Variants in RUBCNL observed in about 807,000 individuals in gnomAD.
RUBCNL encodes the protein protein associated with UVRAG as autophagy enhancer.
RUBCNL carries 62 observed loss-of-function variants against 69.5 expected under a neutral mutation model. The ratio of observed to expected loss-of-function variants is 0.89; its 90% CI spans 0.73 to 1.10. The LOEUF (loss-of-function observed/expected upper bound fraction) is 1.10, where lower values mean the gene tolerates loss of function less well. Ranked by LOEUF, RUBCNL falls within the 50% of genes least tolerant of loss-of-function variation. The pLI is 0.00. For synonymous variants in RUBCNL, 291 were observed against 303.6 expected (o/e 0.96, Z 0.43); for missense variants, 768 against 798.1 (o/e 0.96, Z 0.45).
intron 2 of RUBCNL, among the ~76,000 whole-genome samples, chr13:46,375,405 C>CAT (rs1162343425): frequency 2.6e-5 from 4 of 152,026 alleles, no homozygotes; most frequent in Non-Finnish European, 5.9e-5. Context: ...TGGTGGCGGG[C>CAT]GCCTATAATC....
chr13:46,367,148 C>T (rs770768934), intron 5 of RUBCNL, among the ~76,000 whole-genome samples: 2 of 152,184 alleles, frequency 1.3e-5, no homozygotes, highest in Non-Finnish European at 2.9e-5. Flanking sequence ...CGGGGAAGAG[C>T]CCCCAGGTCC....
At position 46,339,613 on chromosome 13, in the gene RUBCNL, C is replaced by T. The variant is rs926532341; in HGVS notation, c.*3772G>A. ...GTGGCTCAGGCCTGTAATCCCAGCA[C>T]TTTTGGAAGCCGAAGCAGGCAGATC... On this transcript the variant is annotated 3_prime_UTR_variant, in exon 15 of 15. Transcript: ENST00000429979. Among the ~76,000 whole-genome samples the T allele has an allele frequency of 2.6e-5, 4 of 152,166 alleles. No individual in the cohort carries two copies. Among genetic ancestry groups the T allele is most frequent in the Admixed American group, 2.0e-4 (3 of 15,284 alleles).
intron 4 of RUBCNL, 169 bp downstream of exon 4, chr13:46,368,564 C>G: frequency 1.1e-6 from 1 of 905,964 alleles, no homozygotes; most frequent in Non-Finnish European, 1.3e-6. Context: ...ACAGGCACGG[C>G]CTCGGAACCC....
intron 8 of RUBCNL, among the ~76,000 whole-genome samples, chr13:46,360,192 C>A (rs191278680): frequency 6.6e-6 from 1 of 152,134 alleles, no homozygotes; most frequent in Admixed American, 6.6e-5. Context: ...AGTTTGAGAC[C>A]AGCCTGGCCA....
rs1404130935 is a variant in RUBCNL, at chr13:46,337,203, C to T, written c.*6182G>A. 2.6e-5 allele frequency among the ~76,000 whole-genome samples: 4 copies of T among 151,974 alleles called. No homozygotes were observed. Among genetic ancestry groups the T allele is most frequent in the African/African-American group, 9.7e-5 (4 of 41,360 alleles). On this transcript the variant is annotated 3_prime_UTR_variant, in exon 15 of 15. Coordinates refer to ENST00000429979, the MANE Select transcript of RUBCNL (RefSeq NM_025113.5). ...CTGTTGTCAGGCTGGAGTACAGTGG[C>T]GTGATCTCAGCTCACCGCAACCTTC...
chr13:46,352,392 C>T (rs1042155174), intron 10 of RUBCNL, among the ~76,000 whole-genome samples: 14 of 152,284 alleles, frequency 9.2e-5, no homozygotes, highest in African/African-American at 3.4e-4. Context: ...TACAGCATAA[C>T]AGAAATCTTA....
chr13:46,344,879 G>T, intron 13 of RUBCNL, 48 bp from the exon 14 acceptor site: 1 of 1,255,398 alleles, frequency 8.0e-7, no homozygotes, highest in Non-Finnish European at 1.2e-6. Context: ...TGATGGATAA[G>T]CTGAGTTTTC....
At chr13:46,380,026 T>C (rs2049084405) in intron 1 of RUBCNL, among the ~76,000 whole-genome samples, 1 of 152,232 alleles carries the variant, frequency 6.6e-6, no homozygotes, top group South Asian at 2.1e-4. Flanking sequence ...CTCTATACTA[T>C]GTTGTAATAA....
Position 46,349,314 on chromosome 13 carries a change from G to C in RUBCNL, c.1603C>G (p.Leu535Val), listed in dbSNP as rs918023875. 1.9e-6 allele frequency: 3 copies of C among 1,613,768 alleles called. No homozygotes were observed. Among genetic ancestry groups the C allele is most frequent in the African/African-American group, 1.3e-5 (1 of 75,040 alleles). ...IQEQLFHIKK[L>V]LKTCRFANSA... ...TTAGCAAACCTACAGGTCTTCAACAGCTTCTTGATATGGAAGAGCTGCTCC... is the reference window on the plus strand; with the variant it reads ...TTAGCAAACCTACAGGTCTTCAACACCTTCTTGATATGGAAGAGCTGCTCC... Residue 535 changes from leucine to valine, a missense_variant, in exon 12 of 15, where the codon CTG (leucine) becomes GTG (valine). Coordinates refer to ENST00000429979, the MANE Select transcript of RUBCNL (RefSeq NM_025113.5).
intron 1 of RUBCNL, chr13:46,378,633 G>C (rs952097056): frequency 1.3e-5 from 2 of 152,192 alleles, no homozygotes; most frequent in African/African-American, 4.8e-5. Flanking sequence ...AGCCACCAGA[G>C]ACACAGTATT....
chr13:46,352,623 G>T (rs1468349803), intron 10 of RUBCNL, among the ~76,000 whole-genome samples: 1 of 152,218 alleles, frequency 6.6e-6, no homozygotes, highest in African/African-American at 2.4e-5. Flanking sequence ...TGACCAACAC[G>T]GAGAAACCCC....
At chr13:46,349,425 T>C in intron 11 of RUBCNL, 78 bp from the exon 12 acceptor site, 2 of 1,372,310 alleles carry the variant, frequency 1.5e-6, no homozygotes, top group Non-Finnish European at 2.1e-6. Context: ...AATTTAAATG[T>C]TATTTCTAAG....
chr13:46,369,123 G>A (rs367812293), intron 3 of RUBCNL, among the ~76,000 whole-genome samples: 2 of 152,292 alleles, frequency 1.3e-5, no homozygotes, highest in East Asian at 1.9e-4. Context: ...CCCAACAGGG[G>A]CTGGGGTAAA....
chr13:46,369,179 C>T (rs933235544), intron 3 of RUBCNL, among the ~76,000 whole-genome samples: 2 of 152,158 alleles, frequency 1.3e-5, no homozygotes, highest in Admixed American at 6.5e-5. Context: ...ATTATGAGAT[C>T]GCTTCTCTAG....
At chr13:46,359,010 G>A (rs977905565) in intron 9 of RUBCNL, among the ~76,000 whole-genome samples, 1 of 151,938 alleles carries the variant, frequency 6.6e-6, no homozygotes, top group African/African-American at 2.4e-5. Flanking sequence ...TGAGCGAGGT[G>A]GCTCACACCT....
In RUBCNL at chr13:46,353,794, G is replaced by A. The variant is rs259696; in HGVS notation, c.1330+2638C>T. Among the ~76,000 whole-genome samples the A allele has an allele frequency of 8.6e-3, 1,307 of 152,336 alleles. 15 individuals are homozygous for A. Among genetic ancestry groups the A allele is most frequent in the African/African-American group, 0.028 (1,145 of 41,588 alleles). Reference sequence around the variant, plus strand: ...GGTATAACTTTCCATGGGGATAAAAGTGTTCTATATCTGTGCTGTCCAATA... The same window carrying A: ...GGTATAACTTTCCATGGGGATAAAAATGTTCTATATCTGTGCTGTCCAATA... On this transcript the variant is annotated intron_variant, in intron 10 of 14. Transcript: ENST00000429979.
At position 46,369,553 on chromosome 13, in the gene RUBCNL, A is replaced by G. The variant is rs1267353629; in HGVS notation, c.536-738T>C. ...TGTCTAGAGAAATAAAATCCATCCA[A>G]AAAAGGTCAGCATTGCTTCTCTAAG... On this transcript the variant is annotated intron_variant, in intron 3 of 14. Coordinates refer to ENST00000429979, the MANE Select transcript of RUBCNL (RefSeq NM_025113.5). 4.6e-5 allele frequency among the ~76,000 whole-genome samples: 7 copies of G among 152,100 alleles called. No individual in the cohort carries two copies. The East Asian group carries it at 1.3e-3, about 29-fold the overall frequency.
At chr13:46,353,227 G>A (rs1177732596) in intron 10 of RUBCNL, among the ~76,000 whole-genome samples, 2 of 152,150 alleles carry the variant, frequency 1.3e-5, no homozygotes, top group African/African-American at 2.4e-5. Flanking sequence ...ATAAAGAGTT[G>A]TTTTTTGTTA....
chr13:46,383,824 T>A, intron 1 of RUBCNL, among the ~76,000 whole-genome samples: 1 of 152,190 alleles, frequency 6.6e-6, no homozygotes, highest in East Asian at 1.9e-4. Context: ...GAGTGAATAA[T>A]GAATTGTTTC....
Sources: allele counts gnomAD v4.1 joint callset (sites outside exome capture counted in the v4.1 genomes callset), GRCh38; gene constraint gnomAD v4.1.1; transcripts MANE v1.5; gene names NCBI Gene and HGNC (gene_info 2026-07-23, HGNC 2026-07-21).